Variants in MYH15 observed in about 807,000 individuals in gnomAD.
The protein encoded by MYH15 is myosin heavy chain 15.
A neutral mutation model predicts 240.5 loss-of-function variants in MYH15; 227 were observed. The ratio of observed to expected loss-of-function variants is 0.94; its 90% confidence interval spans 0.85 to 1.05. MYH15 has a LOEUF of 1.05. MYH15 is among the 50% of genes least tolerant of loss of function. The probability of loss-of-function intolerance (pLI) is 0.00; values close to 1 mark genes in which losing one functional copy is unlikely to be tolerated. For missense variants in MYH15, 2,217 were observed against 2,247.5 expected, an observed-to-expected ratio of 0.99 and a Z score of 0.27; for synonymous variants, 785 against 796.7, an observed-to-expected ratio of 0.99 and a Z score of 0.25.
intron 40 of MYH15, among the ~76,000 whole-genome samples, chr3:108,382,748 G>GT (rs1417452033): frequency 2.0e-5 from 3 of 151,870 alleles, no homozygotes; most frequent in Non-Finnish European, 4.4e-5. Flanking sequence ...AAAGAGGGCT[G>GT]GTGATGCACC....
intron 12 of MYH15, among the ~76,000 whole-genome samples, chr3:108,475,486 T>C (rs1346808388): frequency 6.6e-6 from 1 of 152,192 alleles, no homozygotes; most frequent in Non-Finnish European, 1.5e-5. Context: ...AATGGACTGT[T>C]AGTGAAAGTG....
upstream of MYH15, among the ~76,000 whole-genome samples, chr3:108,534,011 A>G (rs374482697): frequency 2.6e-5 from 4 of 152,210 alleles, no homozygotes; most frequent in Admixed American, 2.6e-4. Flanking sequence ...AATACTCTTA[A>G]AACGATTGAC....
At chr3:108,416,395 C>G (rs1340851633) in intron 29 of MYH15, among the ~76,000 whole-genome samples, 1 of 152,178 alleles carries the variant, frequency 6.6e-6, no homozygotes, top group East Asian at 1.9e-4. Flanking sequence ...CTTCTAGCAA[C>G]ATTATACACT....
upstream of MYH15, among the ~76,000 whole-genome samples, chr3:108,530,556 C>T (rs534774319): frequency 4.6e-5 from 7 of 152,186 alleles, no homozygotes; most frequent in South Asian, 8.3e-4. Context: ...CAAGAGTGAA[C>T]CCTAATGTGA....
intron 27 of MYH15, among the ~76,000 whole-genome samples, chr3:108,424,891 T>C (rs12186052): frequency 0.24 from 35,981 of 152,152 alleles, 4,851 homozygotes; most frequent in Non-Finnish European, 0.31. Context: ...ATCTCTTCCA[T>C]AGAATTGTGT....
intron 1 of MYH15, among the ~76,000 whole-genome samples, chr3:108,517,832 A>G (rs1023663907): frequency 1.3e-5 from 2 of 152,198 alleles, no homozygotes; most frequent in East Asian, 1.9e-4. Flanking sequence ...CTGTGGATTA[A>G]AAGAGTAATA....
intron 33 of MYH15, among the ~76,000 whole-genome samples, chr3:108,403,309 T>A (rs1169229366): frequency 6.6e-6 from 1 of 151,532 alleles, no homozygotes; most frequent in Non-Finnish European, 1.5e-5. Flanking sequence ...GGTCTCTTTC[T>A]CTTGCTTTCC....
the MYH15 span, among the ~76,000 whole-genome samples, chr3:108,545,575 A>G: frequency 2.0e-5 from 3 of 152,118 alleles, no homozygotes; most frequent in Non-Finnish European, 4.4e-5. Context: ...TTACCAAACC[A>G]ATGTTTTAAA....
chr3:108,412,517 C>T (rs1207751099), intron 30 of MYH15, among the ~76,000 whole-genome samples: 2 of 152,186 alleles, frequency 1.3e-5, no homozygotes, highest in Non-Finnish European at 2.9e-5. Context: ...TACACCAGGA[C>T]ATGAGACTTT....
chr3:108,405,827 A>C (rs1464935294), intron 32 of MYH15, among the ~76,000 whole-genome samples: 10 of 152,348 alleles, frequency 6.6e-5, no homozygotes, highest in Admixed American at 6.5e-4. Context: ...AGAACAAGGA[A>C]GGTGATAACT....
intron 21 of MYH15, among the ~76,000 whole-genome samples, chr3:108,447,746 A>T (rs557389209): frequency 1.3e-5 from 2 of 152,298 alleles, no homozygotes; most frequent in East Asian, 3.9e-4. Flanking sequence ...GTTGAAACAA[A>T]AGGATGCTAA....
intron 10 of MYH15, among the ~76,000 whole-genome samples, chr3:108,486,145 A>G (rs1006092327): frequency 4.6e-5 from 7 of 152,262 alleles, no homozygotes; most frequent in African/African-American, 1.7e-4. Context: ...AGCTGCAAAT[A>G]GATAAAAACA....
At chr3:108,404,091 T>C (rs1454918843) in intron 33 of MYH15, among the ~76,000 whole-genome samples, 1 of 152,084 alleles carries the variant, frequency 6.6e-6, no homozygotes, top group Admixed American at 6.6e-5. Context: ...ATCAAAAAAA[T>C]TCTTTTAGAC....
chr3:108,405,181 A>G (rs1259149235), intron 33 of MYH15, 157 bp downstream of exon 33: 1 of 422,006 alleles, frequency 2.4e-6, no homozygotes, highest in Non-Finnish European at 4.4e-6. Context: ...ATACACGATT[A>G]TAGATATTGT....
At chr3:108,424,236 C>A (rs1414328980) in intron 27 of MYH15, among the ~76,000 whole-genome samples, 1 of 152,200 alleles carries the variant, frequency 6.6e-6, no homozygotes, top group Non-Finnish European at 1.5e-5. Flanking sequence ...GAGTGGGCAG[C>A]CCACTTGGAC....
At chr3:108,446,469 C>A (rs1424062882) in intron 21 of MYH15, among the ~76,000 whole-genome samples, 1 of 152,144 alleles carries the variant, frequency 6.6e-6, no homozygotes, top group Admixed American at 6.6e-5. Flanking sequence ...CTGTTGAAGC[C>A]AGCCTATAAA....
chr3:108,449,000 C>A (rs1352858161), intron 21 of MYH15, among the ~76,000 whole-genome samples: 1 of 151,714 alleles, frequency 6.6e-6, no homozygotes, highest in Non-Finnish European at 1.5e-5. Flanking sequence ...ATAATAGCAT[C>A]AAAAATTAAA....
intron 24 of MYH15, among the ~76,000 whole-genome samples, chr3:108,438,310 C>T (rs2082858604): frequency 6.6e-6 from 1 of 152,156 alleles, no homozygotes; most frequent in Admixed American, 6.5e-5. Flanking sequence ...AAATGTTCCC[C>T]ATCAGAACAT....
At chr3:108,523,669 C>CTT (rs1451902591) in intron 1 of MYH15, among the ~76,000 whole-genome samples, 2 of 151,898 alleles carry the variant, frequency 1.3e-5, no homozygotes, top group Non-Finnish European at 2.9e-5. Context: ...ATCCTTCTTG[C>CTT]TTTTATTCAC....
Sources: allele counts gnomAD v4.1 joint callset (sites outside exome capture counted in the v4.1 genomes callset), GRCh38; gene constraint gnomAD v4.1.1; transcripts MANE v1.5; gene names NCBI Gene and HGNC (gene_info 2026-07-23, HGNC 2026-07-21).